Variants in ROBO2 observed in about 807,000 individuals in gnomAD.
ROBO2 encodes the protein roundabout homolog 2.
In ROBO2, 53 loss-of-function variants were observed where a neutral mutation model predicts 160.8. The ratio of observed to expected loss-of-function variants is 0.33; its 90% CI spans 0.26 to 0.41. The LOEUF (loss-of-function observed/expected upper bound fraction) is 0.41. Among genes scored for constraint, ROBO2 ranks in the 10% least tolerant of loss-of-function variants. The pLI, the probability that ROBO2 is intolerant of heterozygous loss-of-function variation, is 1.00. For synonymous variants in ROBO2, 664 were observed against 611.7 expected, an observed-to-expected ratio of 1.09 and a Z score of -1.26; for missense variants, 1,577 against 1,722.4, an observed-to-expected ratio of 0.92 and a Z score of 1.49.
chr3:77,212,526 G>GA (rs1347596250), intron 2 of ROBO2, among the ~76,000 whole-genome samples: 1 of 152,130 alleles, frequency 6.6e-6, no homozygotes, highest in African/African-American at 2.4e-5. Context: ...TGCAAACAGG[G>GA]ACAATTTGAT....
intron 2 of ROBO2, among the ~76,000 whole-genome samples, chr3:76,567,596 A>G (rs980226991): frequency 1.5e-5 from 2 of 131,774 alleles, no homozygotes; most frequent in African/African-American, 5.5e-5. Context: ...ACATTAGGCT[A>G]TATTTATGCT....
At chr3:77,604,448 T>C (rs2094489069) in intron 20 of ROBO2, among the ~76,000 whole-genome samples, 1 of 152,170 alleles carries the variant, frequency 6.6e-6, no homozygotes, top group Non-Finnish European at 1.5e-5. Context: ...TCTATATGTG[T>C]TGATTGCCAC....
chr3:77,210,026 A>G (rs2151087780), intron 2 of ROBO2, among the ~76,000 whole-genome samples: 1 of 152,302 alleles, frequency 6.6e-6, no homozygotes, highest in South Asian at 2.1e-4. Flanking sequence ...AAGAATCTTT[A>G]CATTATAAAT....
At chr3:77,120,127 G>C (rs751925720) in intron 2 of ROBO2, among the ~76,000 whole-genome samples, 2 of 152,248 alleles carry the variant, frequency 1.3e-5, no homozygotes, top group Non-Finnish European at 2.9e-5. Context: ...CATTTTGTTA[G>C]CATCATGATG....
chr3:76,957,482 G>A (rs1406892562), intron 2 of ROBO2, among the ~76,000 whole-genome samples: 1 of 152,004 alleles, frequency 6.6e-6, no homozygotes, highest in Non-Finnish European at 1.5e-5. Flanking sequence ...AGTATTAATA[G>A]CTAATGTATG....
At chr3:77,482,818 C>A (rs555318025) in intron 4 of ROBO2, among the ~76,000 whole-genome samples, 9 of 151,790 alleles carry the variant, frequency 5.9e-5, no homozygotes, top group Admixed American at 5.9e-4. Flanking sequence ...TAAAGAAACA[C>A]TCATTGCTAT....
intron 2 of ROBO2, among the ~76,000 whole-genome samples, chr3:76,779,264 A>G (rs1477316429): frequency 6.6e-6 from 1 of 151,074 alleles, no homozygotes; most frequent in African/African-American, 2.4e-5. Flanking sequence ...TCATGAAACT[A>G]TCAATATCGT....
chr3:77,304,631 C>A (rs1483307644), intron 2 of ROBO2, among the ~76,000 whole-genome samples: 1 of 152,118 alleles, frequency 6.6e-6, no homozygotes, highest in South Asian at 2.1e-4. Context: ...ATTTCTATTT[C>A]ATTCTGTGGC....
chr3:76,095,361 C>A (rs2069397797), intron 2 of ROBO2, among the ~76,000 whole-genome samples: 1 of 150,032 alleles, frequency 6.7e-6, no homozygotes, highest in African/African-American at 2.5e-5. Flanking sequence ...TAATTTTTTC[C>A]AATAATAAAG....
intron 5 of ROBO2, among the ~76,000 whole-genome samples, chr3:77,516,063 A>G (rs2153621250): frequency 6.6e-6 from 1 of 151,658 alleles, no homozygotes; most frequent in South Asian, 2.1e-4. Flanking sequence ...ATAATATTGG[A>G]TTAGCTGAAT....
chr3:76,167,342 T>C (rs2072873586), intron 2 of ROBO2, among the ~76,000 whole-genome samples: 1 of 152,196 alleles, frequency 6.6e-6, no homozygotes, highest in Non-Finnish European at 1.5e-5. Context: ...TGAGCTAACC[T>C]TGGTGCTATT....
intron 2 of ROBO2, among the ~76,000 whole-genome samples, chr3:76,187,575 A>G (rs1005440738): frequency 6.6e-6 from 1 of 152,080 alleles, no homozygotes; most frequent in African/African-American, 2.4e-5. Context: ...TGCCTGGCCA[A>G]ATTGTCTTTT....
At chr3:76,485,606 A>G (rs2324541) in intron 2 of ROBO2, among the ~76,000 whole-genome samples, 39,578 of 152,038 alleles carry the variant, frequency 0.26, 6,291 homozygotes, top group African/African-American at 0.43. Context: ...GTGTGAGCCT[A>G]CTTTGAGAAA....
At chr3:76,907,102 G>C (rs1182646794) in intron 2 of ROBO2, among the ~76,000 whole-genome samples, 1 of 152,006 alleles carries the variant, frequency 6.6e-6, no homozygotes, top group Non-Finnish European at 1.5e-5. Flanking sequence ...CTGCATCATA[G>C]TTGAATACAT....
intron 2 of ROBO2, among the ~76,000 whole-genome samples, chr3:76,970,078 A>G (rs985924663): frequency 4.6e-5 from 7 of 152,154 alleles, no homozygotes; most frequent in Admixed American, 3.9e-4. Context: ...ATTTTCTTAC[A>G]TTCCCACCAA....
intron 2 of ROBO2, among the ~76,000 whole-genome samples, chr3:76,359,695 C>A (rs1415904709): frequency 6.6e-6 from 1 of 151,646 alleles, no homozygotes; most frequent in African/African-American, 2.4e-5. Context: ...ATTTTTTTGT[C>A]TTGGTATTCA....
chr3:76,063,858 C>T (rs1254415856), intron 2 of ROBO2, among the ~76,000 whole-genome samples: 7 of 152,012 alleles, frequency 4.6e-5, no homozygotes, highest in Non-Finnish European at 7.4e-5. Flanking sequence ...CAAATTATAC[C>T]ACAAGAGTGA....
chr3:77,011,958 T>A (rs896536872), intron 2 of ROBO2, among the ~76,000 whole-genome samples: 10 of 152,100 alleles, frequency 6.6e-5, no homozygotes, highest in African/African-American at 2.4e-4. Context: ...TATGTAGGCT[T>A]GAAATTTTTT....
intron 2 of ROBO2, among the ~76,000 whole-genome samples, chr3:76,959,647 A>C (rs1407260515): frequency 1.3e-5 from 2 of 152,206 alleles, no homozygotes; most frequent in Non-Finnish European, 2.9e-5. Flanking sequence ...AGTGCATCCC[A>C]GCCAGTCACA....
Sources: allele counts gnomAD v4.1 joint callset (sites outside exome capture counted in the v4.1 genomes callset), GRCh38; gene constraint gnomAD v4.1.1; transcripts MANE v1.5; gene names NCBI Gene and HGNC (gene_info 2026-07-23, HGNC 2026-07-21).